Variants in ZMAT4 observed in about 807,000 individuals in gnomAD.
ZMAT4 encodes zinc finger matrin-type protein 4.
ZMAT4 carries 17 observed loss-of-function variants against 28.7 expected under a neutral mutation model. That is an observed-to-expected ratio of 0.59 (90% CI 0.41 to 0.89). ZMAT4 has a LOEUF of 0.89. ZMAT4 is among the 40% of genes least tolerant of loss of function. The pLI is 0.00. For synonymous variants in ZMAT4, 117 were observed against 109.2 expected, an observed-to-expected ratio of 1.07 and a Z score of -0.44; for missense variants, 240 against 283.8, an observed-to-expected ratio of 0.85 and a Z score of 1.11.
At chr8:40,583,208 C>T (rs2118551785) in intron 5 of ZMAT4, among the ~76,000 whole-genome samples, 1 of 152,272 alleles carries the variant, frequency 6.6e-6, no homozygotes, top group South Asian at 2.1e-4. Context: ...AGATTGGACT[C>T]TGTCATCACC....
chr8:40,870,717 G>C (rs867970897), intron 1 of ZMAT4, among the ~76,000 whole-genome samples: 9 of 152,234 alleles, frequency 5.9e-5, no homozygotes, highest in Middle Eastern at 6.8e-3. Flanking sequence ...ACATGATAGA[G>C]GCTGAAAAAC....
At chr8:40,768,617 C>T (rs7812360) in intron 2 of ZMAT4, among the ~76,000 whole-genome samples, 24,212 of 152,140 alleles carry the variant, frequency 0.16, 3,070 homozygotes, top group East Asian at 0.6. Flanking sequence ...TTAGGCCAGT[C>T]TCTTATTGGA....
chr8:40,865,705 A>G (rs1331508259), intron 1 of ZMAT4, among the ~76,000 whole-genome samples: 1 of 152,210 alleles, frequency 6.6e-6, no homozygotes, highest in Non-Finnish European at 1.5e-5. Context: ...GTTACCTGCA[A>G]TCACACAGCC....
intron 5 of ZMAT4, among the ~76,000 whole-genome samples, chr8:40,590,767 C>T (rs1804866827): frequency 2.0e-5 from 3 of 151,690 alleles, no homozygotes; most frequent in South Asian, 2.1e-4. Context: ...TCATATTGAA[C>T]CTGCTATCAA....
intron 2 of ZMAT4, among the ~76,000 whole-genome samples, chr8:40,801,348 AAAAATAT>A (rs1221232576): frequency 2.6e-5 from 2 of 76,266 alleles, no homozygotes; most frequent in African/African-American, 9.1e-5. Flanking sequence ...CTTTAAAAAA[AAAAATAT>A]ATATATATAT....
chr8:40,864,372 A>T (rs1254749768), intron 1 of ZMAT4, among the ~76,000 whole-genome samples: 1 of 152,198 alleles, frequency 6.6e-6, no homozygotes, highest in Non-Finnish European at 1.5e-5. Context: ...TTTTAAAAGC[A>T]GTTGGAGAGA....
intron 2 of ZMAT4, among the ~76,000 whole-genome samples, chr8:40,768,942 G>A (rs1167302172): frequency 1.3e-5 from 2 of 152,084 alleles, no homozygotes; most frequent in Non-Finnish European, 2.9e-5. Context: ...AGCCATGAAG[G>A]CAAAGTGATT....
rs77936601 is a variant in ZMAT4, at chr8:40,809,034, T to C, written c.102+16541A>G. ...CTAGTATGTTCACTGCAGCACTATT[T>C]ACAAAAGCAAAGACATGGAATCAAC... is the stretch of plus-strand genomic sequence containing the variant. On this transcript the variant is annotated intron_variant, in intron 2 of 6. Coordinates refer to ENST00000297737, the MANE Select transcript of ZMAT4 (RefSeq NM_024645.3). Among the ~76,000 whole-genome samples, 1,388 of 152,216 alleles carry C rather than the reference T, an allele frequency of 9.1e-3. 21 individuals carry two copies. Among genetic ancestry groups the C allele is most frequent in the African/African-American group, 0.032 (1,339 of 41,514 alleles).
chr8:40,624,448 T>C (rs1392524988), intron 5 of ZMAT4, among the ~76,000 whole-genome samples: 4 of 152,232 alleles, frequency 2.6e-5, no homozygotes, highest in Admixed American at 1.3e-4. Flanking sequence ...ACTCAGTCTA[T>C]GTATTTTGCT....
chr8:40,639,965 TTTTATGTATGTA>T (rs1396626939), intron 5 of ZMAT4, among the ~76,000 whole-genome samples: 2 of 152,120 alleles, frequency 1.3e-5, no homozygotes, highest in Non-Finnish European at 2.9e-5. Context: ...TTTTTTAAAC[TTTTATGTATGTA>T]TTTATGTATG....
intron 1 of ZMAT4, among the ~76,000 whole-genome samples, chr8:40,839,656 A>G (rs1224759025): frequency 6.6e-6 from 1 of 152,238 alleles, no homozygotes; most frequent in African/African-American, 2.4e-5. Flanking sequence ...CACCTTTTGC[A>G]GCAACATGAA....
chr8:40,792,814 A>T (rs1250949872), intron 2 of ZMAT4, among the ~76,000 whole-genome samples: 1 of 144,784 alleles, frequency 6.9e-6, no homozygotes, highest in Non-Finnish European at 1.5e-5. Context: ...CATAAAGAAA[A>T]CTTAAATGCA....
At chr8:40,676,581 C>CT (rs59040978) in intron 4 of ZMAT4, among the ~76,000 whole-genome samples, 17 of 151,218 alleles carry the variant, frequency 1.1e-4, no homozygotes, top group East Asian at 7.8e-4. Context: ...TTTAGGTGGA[C>CT]TTTTTTTTTG....
In ZMAT4 at chr8:40,542,944, T is replaced by G. The variant is rs569129158; in HGVS notation, c.675-10706A>C. ...TTTCACCTCCACCAGGCTGAATGCC[T>G]GTGGCCTGGCCAACGTCATTGCAGC... is the stretch of plus-strand genomic sequence containing the variant. On this transcript the variant is annotated intron_variant, in intron 6 of 6. Coordinates refer to ENST00000297737, the MANE Select transcript of ZMAT4 (RefSeq NM_024645.3). Among the ~76,000 whole-genome samples the G allele has an allele frequency of 2.6e-5, 4 of 152,340 alleles. No homozygotes were observed. The South Asian group carries it at 8.3e-4, about 32-fold the overall frequency.
chr8:40,793,182 C>T (rs147653414), intron 2 of ZMAT4, among the ~76,000 whole-genome samples: 234 of 152,154 alleles, frequency 1.5e-3, no homozygotes, highest in African/African-American at 5.4e-3. Context: ...AGAGAGAAAC[C>T]GTGGTGAGAG....
chr8:40,614,232 C>T (rs761425641), intron 5 of ZMAT4, among the ~76,000 whole-genome samples: 18 of 152,030 alleles, frequency 1.2e-4, no homozygotes, highest in Non-Finnish European at 1.8e-4. Flanking sequence ...TCTAGGAAGC[C>T]CAGGACTAAG....
chr8:40,624,888 C>T (rs1239699633), intron 5 of ZMAT4, among the ~76,000 whole-genome samples: 2 of 152,080 alleles, frequency 1.3e-5, no homozygotes, highest in Non-Finnish European at 2.9e-5. Flanking sequence ...AGTTCATGCC[C>T]CAAGGAGCTT....
chr8:40,690,747 T>A (rs1228722103), intron 4 of ZMAT4: 2 of 235,748 alleles, frequency 8.5e-6, no homozygotes, highest in African/African-American at 4.7e-5. Context: ...AGAACTTAAA[T>A]AAGCAATTCT....
At chr8:40,745,685 G>C (rs1244137204) in intron 3 of ZMAT4, among the ~76,000 whole-genome samples, 1 of 152,130 alleles carries the variant, frequency 6.6e-6, no homozygotes, top group African/African-American at 2.4e-5. Flanking sequence ...AATGTTCAGA[G>C]CCAGATCTGC....
Sources: allele counts gnomAD v4.1 joint callset (sites outside exome capture counted in the v4.1 genomes callset), GRCh38; gene constraint gnomAD v4.1.1; transcripts MANE v1.5; gene names NCBI Gene and HGNC (gene_info 2026-07-23, HGNC 2026-07-21).